Variants in ZFAT observed in about 807,000 individuals in gnomAD.
ZFAT encodes zinc finger and AT-hook domain containing, also known as zinc finger protein ZFAT.
ZFAT carries 64 observed loss-of-function variants against 117.7 expected under a neutral mutation model. That is an observed-to-expected ratio of 0.54 (90% CI 0.44 to 0.67). The LOEUF (loss-of-function observed/expected upper bound fraction) is 0.67. Among genes scored for constraint, ZFAT ranks in the 30% least tolerant of loss-of-function variants. ZFAT has a pLI of 0.00. For synonymous variants in ZFAT, 679 were observed against 615.0 expected (o/e 1.10, Z -1.54); for missense variants, 1,433 against 1,584.5 (o/e 0.90, Z 1.62).
intron 2 of ZFAT, among the ~76,000 whole-genome samples, chr8:134,651,168 T>C (rs1174914912): frequency 5.9e-5 from 6 of 100,902 alleles, no homozygotes; most frequent in African/African-American, 2.6e-4. Flanking sequence ...GACCCAGCAA[T>C]CCCACTCCTT....
At chr8:134,622,371 G>A (rs1303760822) in intron 3 of ZFAT, among the ~76,000 whole-genome samples, 1 of 152,150 alleles carries the variant, frequency 6.6e-6, no homozygotes, top group African/African-American at 2.4e-5. Flanking sequence ...AAAAAGTGAT[G>A]ACATCGCACA....
intron 1 of ZFAT, among the ~76,000 whole-genome samples, chr8:134,690,609 C>G (rs903791323): frequency 6.6e-5 from 10 of 152,192 alleles, no homozygotes; most frequent in African/African-American, 2.2e-4. Flanking sequence ...TTACATGTGT[C>G]TAGGGTCTTT....
At chr8:134,641,896 G>A (rs749963683) in intron 2 of ZFAT, among the ~76,000 whole-genome samples, 14 of 152,154 alleles carry the variant, frequency 9.2e-5, no homozygotes, top group African/African-American at 4.8e-5. Context: ...AACTGGCAAG[G>A]GGCAGAGAAT....
At chr8:134,802,577 G>A in the ZFAT span, among the ~76,000 whole-genome samples, 2 of 152,286 alleles carry the variant, frequency 1.3e-5, no homozygotes, top group East Asian at 3.9e-4. Context: ...TAAATTGGAA[G>A]ACCCAATTTT....
chr8:134,675,702 G>A (rs569101884), intron 1 of ZFAT, among the ~76,000 whole-genome samples: 1 of 152,248 alleles, frequency 6.6e-6, no homozygotes, highest in South Asian at 2.1e-4. Context: ...AGAAAGGTCG[G>A]GTTAGCCACA....
chr8:134,831,807 G>A, the ZFAT span, among the ~76,000 whole-genome samples: 6 of 151,516 alleles, frequency 4.0e-5, no homozygotes, highest in Admixed American at 1.3e-4. Flanking sequence ...TCGGACGCCC[G>A]ACCCTGAGGG....
At chr8:134,727,102 A>G in the ZFAT span, among the ~76,000 whole-genome samples, 4 of 151,960 alleles carry the variant, frequency 2.6e-5, no homozygotes, top group African/African-American at 9.7e-5. Flanking sequence ...CAAGCACAAG[A>G]TAATTTCATC....
intron 9 of ZFAT, among the ~76,000 whole-genome samples, chr8:134,587,647 T>A (rs1412151950): frequency 6.6e-6 from 1 of 152,162 alleles, no homozygotes; most frequent in East Asian, 1.9e-4. Flanking sequence ...TGACGGTCTG[T>A]TGCCCTAGTA....
At chr8:134,511,500 A>G (rs1339254408) in intron 14 of ZFAT, among the ~76,000 whole-genome samples, 1 of 152,144 alleles carries the variant, frequency 6.6e-6, no homozygotes, top group African/African-American at 2.4e-5. Flanking sequence ...CCCTAAACCA[A>G]CTGGCCCACA....
intron 5 of ZFAT, among the ~76,000 whole-genome samples, chr8:134,605,396 A>C (rs1397254313): frequency 1.3e-5 from 2 of 152,076 alleles, no homozygotes; most frequent in African/African-American, 2.4e-5. Flanking sequence ...AATACAAAAA[A>C]TTAGCTGGGT....
chr8:134,501,283 G>C (rs1818955353), intron 15 of ZFAT, among the ~76,000 whole-genome samples: 1 of 152,186 alleles, frequency 6.6e-6, no homozygotes, highest in African/African-American at 2.4e-5. Context: ...CCCGCCTACA[G>C]AGGACACATG....
At chr8:134,691,773 T>C (rs929082294) in intron 1 of ZFAT, among the ~76,000 whole-genome samples, 1 of 152,186 alleles carries the variant, frequency 6.6e-6, no homozygotes, top group Non-Finnish European at 1.5e-5. Flanking sequence ...CTCAATAGAT[T>C]GTAAGCTCCA....
chr8:134,787,040 G>C, the ZFAT span, among the ~76,000 whole-genome samples: 1 of 151,922 alleles, frequency 6.6e-6, no homozygotes, highest in Non-Finnish European at 1.5e-5. Flanking sequence ...GTAGAGACAA[G>C]GTCTCACTAT....
chr8:134,548,580 A>G (rs966007414), intron 11 of ZFAT, among the ~76,000 whole-genome samples: 2 of 152,204 alleles, frequency 1.3e-5, no homozygotes, highest in African/African-American at 4.8e-5. Flanking sequence ...TATTTTCTCT[A>G]CTTCTGGGTT....
chr8:134,669,784 T>G (rs1250442955), intron 1 of ZFAT, among the ~76,000 whole-genome samples: 3 of 152,056 alleles, frequency 2.0e-5, no homozygotes, highest in Non-Finnish European at 4.4e-5. Context: ...GGCTAAATGC[T>G]CCAATTAAAA....
intron 1 of ZFAT, among the ~76,000 whole-genome samples, chr8:134,699,322 T>C (rs1271189492): frequency 2.0e-5 from 3 of 151,930 alleles, no homozygotes; most frequent in Non-Finnish European, 4.4e-5. Flanking sequence ...ATGAAAGCAA[T>C]GACAATAGAG....
intron 1 of ZFAT, among the ~76,000 whole-genome samples, chr8:134,690,745 C>T (rs200402876): frequency 6.6e-6 from 1 of 152,140 alleles, no homozygotes; most frequent in East Asian, 1.9e-4. Context: ...TTCCTGGTAA[C>T]CAAAATACAA....
chr8:134,623,877 C>T (rs1451755573), intron 3 of ZFAT, among the ~76,000 whole-genome samples: 1 of 152,056 alleles, frequency 6.6e-6, no homozygotes, highest in African/African-American at 2.4e-5. Context: ...CCCACCTCAC[C>T]TGCTCTCCAG....
intron 7 of ZFAT, chr8:134,600,191 T>C (rs908608780): frequency 2.0e-5 from 11 of 545,322 alleles, no homozygotes; most frequent in East Asian, 9.4e-5. Flanking sequence ...AGACTTTATC[T>C]GATGCTAAAA....
Sources: gnomAD v4.1 joint callset for allele counts (sites outside exome capture counted in the v4.1 genomes callset) on GRCh38, gnomAD v4.1.1 for gene constraint, MANE v1.5 for transcripts, NCBI Gene and HGNC (gene_info 2026-07-23, HGNC 2026-07-21) for gene names.